The following TAPBPL variants were observed in gnomAD, a reference collection of about 807,000 sequenced individuals.
TAPBPL encodes the protein TAP binding protein like.
Under a neutral mutation model 44.8 loss-of-function variants are expected in TAPBPL, and 32 were observed. The observed-to-expected ratio is 0.71, with a 90% CI of 0.54 to 0.96. The LOEUF (loss-of-function observed/expected upper bound fraction) is 0.96. Among genes scored for constraint, TAPBPL ranks in the 40% least tolerant of loss-of-function variants. The pLI is 0.00. For missense variants in TAPBPL, 520 were observed against 586.6 expected (o/e 0.89, Z 1.17); for synonymous variants, 230 against 240.7 (o/e 0.96, Z 0.41).
chr12:6,465,713 C>T (rs1950005977), downstream of TAPBPL: 4 of 1,306,796 alleles, frequency 3.1e-6, no homozygotes, highest in South Asian at 3.0e-5. Flanking sequence ...TCCAGATTTC[C>T]TCCCAAGCGT....
rs757434582 is a variant in TAPBPL, at chr12:6,457,647, C to G, written c.807C>G (p.Thr269=). Residue 269 remains threonine (T), a synonymous_variant, in exon 4 of 7, where the codon ACC becomes ACG. Coordinates refer to ENST00000266556, the MANE Select transcript of TAPBPL (RefSeq NM_018009.5). ...GCATGGCCAGGGATGCCTCCCTCAC[C>G]CTGCCCGGCCTCACTATACAGGACG... is the stretch of plus-strand genomic sequence containing the variant. The part of the protein sequence containing the change: ...QLGMARDASL[T]LPGLTIQDEG... 6.2e-7 allele frequency: 1 copy of G among 1,614,178 alleles called. No individual in the cohort carries two copies. The highest frequency in any genetic ancestry group is 1.1e-5 in the South Asian group (1 of 91,086).
intron 1 of TAPBPL, chr12:6,452,618 A>T: frequency 7.7e-7 from 1 of 1,304,682 alleles, no homozygotes; most frequent in East Asian, 3.5e-5. Flanking sequence ...AGGACTCCCC[A>T]GGTGAGGAAA....
At chr12:6,465,466 A>ACATAT (rs1555130299), downstream of TAPBPL, 7 of 103,190 alleles carry the variant, frequency 6.8e-5, no homozygotes, top group African/African-American at 2.8e-4. Context: ...GTGTATATAT[A>ACATAT]GTGTGTGTGT....
intron 5 of TAPBPL, among the ~76,000 whole-genome samples, chr12:6,459,724 T>TTTTATTTATTTA (rs143107897): frequency 1.4e-5 from 2 of 146,066 alleles, no homozygotes; most frequent in Non-Finnish European, 3.0e-5. Context: ...TGTTGAAAGG[T>TTTTATTTATTTA]TTTATTTATT....
chr12:6,471,165 G>A (rs1945766867), downstream of TAPBPL, among the ~76,000 whole-genome samples: 1 of 152,178 alleles, frequency 6.6e-6, no homozygotes, highest in Non-Finnish European at 1.5e-5. The surrounding 1 kb of genome is among the most constrained non-coding windows in gnomAD (Gnocchi z 4.0). Flanking sequence ...GCTCTGAGAG[G>A]GTGCAGGAGC....
At chr12:6,465,070 C>T, downstream of TAPBPL, 1 of 1,383,168 alleles carries the variant, frequency 7.2e-7, no homozygotes, top group Non-Finnish European at 9.8e-7. Flanking sequence ...ACCCAGGAGA[C>T]CTGCAGGCCT....
downstream of TAPBPL, chr12:6,470,472 G>A (rs1945745249): frequency 1.2e-6 from 2 of 1,612,796 alleles, no homozygotes; most frequent in South Asian, 2.2e-5. Context: ...GCAGAATCGG[G>A]AGCTTGGGGC....
chr12:6,454,896 C>G (rs1210580272), intron 3 of TAPBPL, among the ~76,000 whole-genome samples: 3 of 151,992 alleles, frequency 2.0e-5, no homozygotes, highest in Non-Finnish European at 2.9e-5. Flanking sequence ...GAAGAAACAG[C>G]CAAGTCCAGA....
At chr12:6,469,889 A>G (rs1945727563), downstream of TAPBPL, among the ~76,000 whole-genome samples, 1 of 152,200 alleles carries the variant, frequency 6.6e-6, no homozygotes, top group Non-Finnish European at 1.5e-5. Context: ...CGGTGATAGA[A>G]AAACATCTCC....
chr12:6,462,795 G>C, downstream of TAPBPL: 1 of 1,584,212 alleles, frequency 6.3e-7, no homozygotes, highest in Middle Eastern at 1.7e-4. Context: ...TTCGAGGGGG[G>C]CCGTTGGGAG....
intron 6 of TAPBPL, 173 bp downstream of exon 6, chr12:6,461,111 C>G: frequency 7.0e-7 from 1 of 1,428,798 alleles, no homozygotes; most frequent in Non-Finnish European, 9.1e-7. Flanking sequence ...CGTGTTCCCT[C>G]GTTTTCTCCT....
chr12:6,460,769 C>T (rs780335584), intron 5 of TAPBPL, 86 bp from the exon 6 acceptor site: 10 of 1,321,278 alleles, frequency 7.6e-6, no homozygotes, highest in Admixed American at 3.5e-5. Flanking sequence ...CTTAGCTCCT[C>T]CTCCCTGGGG....
Position 6,452,079 on chromosome 12 carries a change from T to C in TAPBPL, c.-170T>C, listed in dbSNP as rs1179269342. 5.2e-6 allele frequency: 4 copies of C among 767,380 alleles called. No homozygotes were observed. The highest frequency in any genetic ancestry group is 6.5e-6 in the Non-Finnish European group (3 of 463,114). The allele number at this position is 767,380 out of a possible 1,614,324, so 47.5% of individuals were successfully genotyped here. A position where few individuals can be genotyped will look rare whatever the true frequency, so the allele number is the denominator to read the frequency against. On this transcript the variant is annotated 5_prime_UTR_variant, in exon 1 of 7. Transcript: ENST00000266556. Reference sequence around the variant, plus strand: ...ACAGGGACGCGGGCTGCCATCTTGCTCTAAGTGAAAGTGAAAGAAAAGTCG... The same window carrying C: ...ACAGGGACGCGGGCTGCCATCTTGCCCTAAGTGAAAGTGAAAGAAAAGTCG...
At position 6,458,742 on chromosome 12, in the gene TAPBPL, G is replaced by A. The variant is rs769864662; in HGVS notation, c.1002G>A (p.Thr334=). ...AGYYPLDVVV[T]WTREELGGSP... ...ATTACCCTCTGGATGTGGTGGTGAC[G>A]TGGACCCGAGAGGAGCTGGGTGGAT... Residue 334 remains threonine, a synonymous_variant, in exon 5 of 7, where the codon ACG becomes ACA. Transcript: ENST00000266556. 13 of 1,613,988 alleles carry A rather than the reference G, an allele frequency of 8.1e-6. No individual in the cohort carries two copies. Among genetic ancestry groups the A allele is most frequent in the South Asian group, 7.7e-5 (7 of 91,086 alleles).
chr12:6,457,606 G>C lies in TAPBPL; in HGVS notation c.766G>C (p.Glu256Gln). ...GGCTGTGCGGAAGGGCGCTACCCTG[G>C]AGCCTGCACAACTGGGCATGGCCAG... The part of the protein sequence containing the change: ...GQAVRKGATL[E>Q]PAQLGMARDA... The change falls in exon 4 of 7, where the codon GAG (glutamate) becomes CAG (glutamine). Residue 256 changes from glutamate (E) to glutamine (Q), a missense_variant. By Grantham distance (29) the Glu-to-Gln change is conservative. Transcript: ENST00000266556. 1 of 1,614,198 alleles carries C rather than the reference G, an allele frequency of 6.2e-7. No individual in the cohort carries two copies. The highest frequency in any genetic ancestry group is 8.5e-7 in the Non-Finnish European group (1 of 1,180,032).
the TAPBPL span, among the ~76,000 whole-genome samples, chr12:6,471,751 C>T: frequency 2.0e-5 from 3 of 151,938 alleles, no homozygotes; most frequent in Non-Finnish European, 4.4e-5. The surrounding 1 kb of genome is among the most constrained non-coding windows in gnomAD (Gnocchi z 4.0). Context: ...CGCTTGAAGC[C>T]GGGAGCCGAC....
At chr12:6,470,516 CA>C (rs1945746600), downstream of TAPBPL, 1 of 1,613,938 alleles carries the variant, frequency 6.2e-7, no homozygotes, top group African/African-American at 1.3e-5. Context: ...GCCCCCACAC[CA>C]GAGTCAACTC....
At chr12:6,463,390 G>C, downstream of TAPBPL, 1 of 1,070,948 alleles carries the variant, frequency 9.3e-7, no homozygotes, top group Non-Finnish European at 1.1e-6. The surrounding 1 kb of genome is among the most constrained non-coding windows in gnomAD (Gnocchi z 4.0). Flanking sequence ...GCCCCAGGAA[G>C]AACCACTTGC....
chr12:6,457,095 C>G (rs537287807), intron 3 of TAPBPL, among the ~76,000 whole-genome samples: 18 of 152,344 alleles, frequency 1.2e-4, no homozygotes, highest in Non-Finnish European at 2.4e-4. Flanking sequence ...TTCTGCTACT[C>G]TAGTAGTTCT....
Sources: gnomAD v4.1 joint callset for allele counts (sites outside exome capture counted in the v4.1 genomes callset) on GRCh38, gnomAD v4.1.1 for gene constraint, Gnocchi (gnomAD v3.1) non-coding constraint, MANE v1.5 for transcripts, NCBI Gene and HGNC (gene_info 2026-07-23, HGNC 2026-07-21) for gene names.